The following PSD3 variants were observed in gnomAD, a reference collection of about 807,000 sequenced individuals.
The protein encoded by PSD3 is PH and SEC7 domain-containing protein 3.
Under a neutral mutation model 105.5 loss-of-function variants are expected in PSD3, and 49 were observed. The observed-to-expected ratio is 0.46, with a 90% CI of 0.37 to 0.59. PSD3 has a LOEUF of 0.59. Among genes scored for constraint, PSD3 ranks in the 20% least tolerant of loss-of-function variants. The pLI is 0.00. For synonymous variants in PSD3, 557 were observed against 457.8 expected (o/e 1.22, Z -2.77); for missense variants, 1,561 against 1,263.8 (o/e 1.24, Z -3.57).
At chr8:18,856,630 A>T (rs923810667) in intron 4 of PSD3, among the ~76,000 whole-genome samples, 1 of 152,234 alleles carries the variant, frequency 6.6e-6, no homozygotes, top group African/African-American at 2.4e-5. Context: ...TTGACAAGAA[A>T]ATGTCACCTT....
chr8:18,842,696 G>A (rs966946967), intron 4 of PSD3, among the ~76,000 whole-genome samples: 4 of 151,508 alleles, frequency 2.6e-5, no homozygotes, highest in African/African-American at 9.7e-5. Context: ...TAGCGCCACC[G>A]CACTCCAGCC....
chr8:18,870,192 C>CA (rs984793956), intron 3 of PSD3, among the ~76,000 whole-genome samples: 1 of 151,358 alleles, frequency 6.6e-6, no homozygotes, highest in Non-Finnish European at 1.5e-5. Context: ...TTACACCGAA[C>CA]AAAAAAACAA....
At chr8:18,633,101 T>A (rs1478094216) in intron 10 of PSD3, among the ~76,000 whole-genome samples, 1 of 152,042 alleles carries the variant, frequency 6.6e-6, no homozygotes, top group African/African-American at 2.4e-5. Context: ...AATGAAGATA[T>A]GATCATAAAA....
intron 15 of PSD3, among the ~76,000 whole-genome samples, chr8:18,553,814 A>G (rs188206155): frequency 8.4e-4 from 128 of 152,324 alleles, no homozygotes; most frequent in Non-Finnish European, 1.4e-3. Context: ...CTTTCATGAC[A>G]TAAATATTAG....
intron 1 of PSD3, among the ~76,000 whole-genome samples, chr8:18,986,627 T>A (rs988301501): frequency 1.3e-5 from 2 of 152,148 alleles, no homozygotes; most frequent in Admixed American, 1.3e-4. Flanking sequence ...TGGTGCTGTA[T>A]TTCCTTATCC....
chr8:19,022,715 G>T lies in PSD3; in HGVS notation c.324+61491C>A, dbSNP rs141317162. Among the ~76,000 whole-genome samples, 222 of 152,322 alleles carry T rather than the reference G, an allele frequency of 1.5e-3. 2 individuals are homozygous for T. Among genetic ancestry groups the T allele is most frequent in the African/African-American group, 5.1e-3 (211 of 41,584 alleles). ...CTTTTACTAGGCTTGGGGCTGGAGA[G>T]TAGCACCCAGCTCTCTTCCAGTGGA... On this transcript the variant is annotated intron_variant, in intron 1 of 1. Coordinates refer to the PSD3 transcript ENST00000521475.
intron 1 of PSD3, among the ~76,000 whole-genome samples, chr8:19,040,909 T>C (rs2129476699): frequency 6.6e-6 from 1 of 152,208 alleles, no homozygotes; most frequent in East Asian, 1.9e-4. Flanking sequence ...ATTTGTTTAT[T>C]TGAGACAGGG....
chr8:18,883,195 A>T (rs1344513738), intron 2 of PSD3, among the ~76,000 whole-genome samples: 2 of 152,138 alleles, frequency 1.3e-5, no homozygotes, highest in Non-Finnish European at 2.9e-5. Flanking sequence ...AAACTACAAC[A>T]ATATCTACAA....
Position 18,930,353 on chromosome 8 carries a change from T to A in PSD3, c.130+5681A>T, listed in dbSNP as rs542788090. 6.6e-5 allele frequency among the ~76,000 whole-genome samples: 10 copies of A among 152,320 alleles called. No homozygotes were observed. The South Asian group carries it at 1.7e-3, about 25-fold the overall frequency. ...GGATTAAATATTTTGAAACGCACAC[T>A]GCAAAGTCTACCACTTGTGTTATTC... On this transcript the variant is annotated intron_variant, in intron 2 of 15. Coordinates refer to ENST00000327040, the MANE Select transcript of PSD3 (RefSeq NM_015310.4).
intron 1 of PSD3, among the ~76,000 whole-genome samples, chr8:19,032,547 G>C (rs1827805002): frequency 6.6e-6 from 1 of 151,566 alleles, no homozygotes; most frequent in African/African-American, 2.4e-5. Context: ...CTACTCAGAA[G>C]GCTGATGTGG....
At chr8:18,647,695 T>C (rs1230796890) in intron 10 of PSD3, among the ~76,000 whole-genome samples, 1 of 151,778 alleles carries the variant, frequency 6.6e-6, no homozygotes, top group East Asian at 1.9e-4. Flanking sequence ...GTGATTTGGT[T>C]TGGATCTGTG....
At chr8:18,626,158 C>T (rs1021144897) in intron 11 of PSD3, among the ~76,000 whole-genome samples, 1 of 151,698 alleles carries the variant, frequency 6.6e-6, no homozygotes, top group Non-Finnish European at 1.5e-5. Context: ...AATTTCTGAA[C>T]TGAGCATAAC....
chr8:18,888,639 A>G (rs1004910162), intron 2 of PSD3, among the ~76,000 whole-genome samples: 1 of 152,170 alleles, frequency 6.6e-6, no homozygotes, highest in African/African-American at 2.4e-5. Context: ...GTAGAATTAC[A>G]TTTTTTATAA....
At chr8:18,720,680 C>T (rs1023398161) in intron 9 of PSD3, among the ~76,000 whole-genome samples, 4 of 152,118 alleles carry the variant, frequency 2.6e-5, no homozygotes, top group African/African-American at 9.7e-5. Flanking sequence ...ACAAACCCAT[C>T]CTCCCTGCCT....
chr8:18,944,476 G>A (rs1049687810), intron 1 of PSD3, among the ~76,000 whole-genome samples: 2 of 151,918 alleles, frequency 1.3e-5, no homozygotes, highest in Admixed American at 6.6e-5. Context: ...GAGGCTGAGC[G>A]AGGAGAATCA....
chr8:18,734,300 A>G (rs1803989269), intron 9 of PSD3: 1 of 152,264 alleles, frequency 6.6e-6, no homozygotes, highest in African/African-American at 2.4e-5. Context: ...GAGTTGTACT[A>G]TAACTTTTCA....
chr8:19,080,436 A>C (rs1829606423), intron 1 of PSD3, among the ~76,000 whole-genome samples: 1 of 152,216 alleles, frequency 6.6e-6, no homozygotes, highest in African/African-American at 2.4e-5. Flanking sequence ...TCATAGATTT[A>C]CATTTCAGAC....
chr8:18,586,679 C>G (rs1294582146), intron 12 of PSD3, among the ~76,000 whole-genome samples: 1 of 152,036 alleles, frequency 6.6e-6, no homozygotes, highest in Non-Finnish European at 1.5e-5. Context: ...TTTCGAAGAC[C>G]AATTTGATTC....
chr8:18,834,895 A>T (rs941936279), intron 4 of PSD3, among the ~76,000 whole-genome samples: 1 of 152,230 alleles, frequency 6.6e-6, no homozygotes, highest in Non-Finnish European at 1.5e-5. Flanking sequence ...GTCCACTGCA[A>T]CCAGAGTCTA....
Sources: allele counts gnomAD v4.1 joint callset (sites outside exome capture counted in the v4.1 genomes callset), GRCh38; gene constraint gnomAD v4.1.1; transcripts MANE v1.5; gene names NCBI Gene and HGNC (gene_info 2026-07-23, HGNC 2026-07-21).